Variants in FBXL7 observed in about 807,000 individuals in gnomAD.
The protein encoded by FBXL7 is F-box and leucine rich repeat protein 7, also known as F-box/LRR-repeat protein 7.
FBXL7 carries 12 observed loss-of-function variants against 38.3 expected under a neutral mutation model. That is an observed-to-expected ratio of 0.31 (90% CI 0.20 to 0.51). The LOEUF (loss-of-function observed/expected upper bound fraction) is 0.51. FBXL7 is among the 20% of genes least tolerant of loss of function. The pLI is 0.98. For missense variants in FBXL7, 567 were observed against 676.4 expected (o/e 0.84, Z 1.79); for synonymous variants, 297 against 300.9 (o/e 0.99, Z 0.13).
intron 2 of FBXL7, among the ~76,000 whole-genome samples, chr5:15,851,132 G>A (rs771394569): frequency 2.6e-5 from 4 of 152,108 alleles, no homozygotes; most frequent in African/African-American, 4.8e-5. Context: ...ACACACACCC[G>A]GCCATTTCCT....
At chr5:15,900,342 C>A (rs748544857) in intron 2 of FBXL7, among the ~76,000 whole-genome samples, 2 of 152,080 alleles carry the variant, frequency 1.3e-5, no homozygotes, top group Non-Finnish European at 2.9e-5. Flanking sequence ...CCTTCCACCA[C>A]CCTAGTAACA....
At chr5:15,550,414 T>C (rs528574251) in intron 1 of FBXL7, among the ~76,000 whole-genome samples, 50 of 152,238 alleles carry the variant, frequency 3.3e-4, no homozygotes, top group African/African-American at 1.1e-3. Context: ...GAGATTTTGA[T>C]TGTTGCCAAA....
chr5:15,932,696 A>G (rs1051988855), intron 3 of FBXL7, among the ~76,000 whole-genome samples: 1 of 152,074 alleles, frequency 6.6e-6, no homozygotes, highest in Non-Finnish European at 1.5e-5. Flanking sequence ...TGTGTCTATT[A>G]TCTTACTACC....
chr5:15,536,587 G>C (rs1006292761), intron 1 of FBXL7, among the ~76,000 whole-genome samples: 10 of 152,170 alleles, frequency 6.6e-5, no homozygotes, highest in Non-Finnish European at 1.3e-4. Context: ...TAGCCCCTTT[G>C]TTTTGCCCAG....
intron 1 of FBXL7, chr5:15,606,898 G>A (rs1001510407): frequency 1.3e-5 from 2 of 152,116 alleles, no homozygotes; most frequent in Non-Finnish European, 2.9e-5. Flanking sequence ...CCTTTGGCTT[G>A]AAAGAGCTAA....
At chr5:15,605,015 G>C (rs1739957723) in intron 1 of FBXL7, among the ~76,000 whole-genome samples, 1 of 152,154 alleles carries the variant, frequency 6.6e-6, no homozygotes, top group Non-Finnish European at 1.5e-5. Context: ...TGAATTCACT[G>C]TGGCCAGTAG....
chr5:15,744,903 C>G (rs1561109311), intron 2 of FBXL7, among the ~76,000 whole-genome samples: 1 of 152,066 alleles, frequency 6.6e-6, no homozygotes, highest in Non-Finnish European at 1.5e-5. Flanking sequence ...CCTTATAAAA[C>G]CATGAGGTCT....
intron 1 of FBXL7, among the ~76,000 whole-genome samples, chr5:15,522,362 T>C (rs1258099127): frequency 1.3e-5 from 2 of 152,206 alleles, no homozygotes; most frequent in African/African-American, 4.8e-5. Flanking sequence ...CAGTTTGGTT[T>C]ATTTGTTTCT....
rs931053618 is a variant in FBXL7, at chr5:15,603,783, G to A, written c.38-12200G>A. On this transcript the variant is annotated intron_variant, in intron 1 of 3. Transcript: ENST00000504595. Reference sequence around the variant, plus strand: ...AAAGTACCAGTTAGGACATTCAGTGGCTTGAAAGGAAGAAAGGAAAACATG... The same window carrying A: ...AAAGTACCAGTTAGGACATTCAGTGACTTGAAAGGAAGAAAGGAAAACATG... 1.6e-4 allele frequency among the ~76,000 whole-genome samples: 25 copies of A among 152,320 alleles called. 1 individual carries two copies. The South Asian group carries it at 3.7e-3, about 23-fold the overall frequency.
chr5:15,504,998 A>C (rs1736605001), intron 1 of FBXL7, among the ~76,000 whole-genome samples: 1 of 152,212 alleles, frequency 6.6e-6, no homozygotes. Flanking sequence ...CCATAGGGAA[A>C]GGGCGAGATC....
At chr5:15,519,063 G>A (rs1336209511) in intron 1 of FBXL7, among the ~76,000 whole-genome samples, 2 of 152,144 alleles carry the variant, frequency 1.3e-5, no homozygotes, top group Non-Finnish European at 2.9e-5. Context: ...GGGCCCTGCA[G>A]CAGGGCGCGG....
At chr5:15,530,261 C>A (rs188926570) in intron 1 of FBXL7, among the ~76,000 whole-genome samples, 1 of 152,216 alleles carries the variant, frequency 6.6e-6, no homozygotes, top group Non-Finnish European at 1.5e-5. Flanking sequence ...CTGACAGATG[C>A]AGGTGGTTTA....
intron 1 of FBXL7, among the ~76,000 whole-genome samples, chr5:15,603,229 C>T (rs1324251925): frequency 6.6e-6 from 1 of 152,092 alleles, no homozygotes; most frequent in Admixed American, 6.6e-5. Context: ...TTAGTGCTAA[C>T]CGTAATCCTT....
intron 2 of FBXL7, among the ~76,000 whole-genome samples, chr5:15,764,355 A>G (rs1266085561): frequency 6.6e-6 from 1 of 152,232 alleles, no homozygotes; most frequent in Non-Finnish European, 1.5e-5. Flanking sequence ...GCAAGTATAG[A>G]GAGATGTGTT....
At chr5:15,680,200 A>G (rs746187022) in intron 2 of FBXL7, among the ~76,000 whole-genome samples, 37 of 152,186 alleles carry the variant, frequency 2.4e-4, no homozygotes, top group Non-Finnish European at 4.4e-4. Flanking sequence ...GCTCTTCCCA[A>G]AGACATTTTA....
At chr5:15,750,159 T>C (rs180892489) in intron 2 of FBXL7, among the ~76,000 whole-genome samples, 43 of 152,346 alleles carry the variant, frequency 2.8e-4, no homozygotes, top group Admixed American at 2.4e-3. Flanking sequence ...TAAGTAAAGA[T>C]CCCTTCCCTC....
chr5:15,804,627 T>C (rs1464329877), intron 2 of FBXL7, among the ~76,000 whole-genome samples: 3 of 152,104 alleles, frequency 2.0e-5, no homozygotes, highest in Non-Finnish European at 4.4e-5. Flanking sequence ...CCATGACCTG[T>C]TAGGAACCAA....
chr5:15,718,032 T>A (rs1232167912), intron 2 of FBXL7, among the ~76,000 whole-genome samples: 1 of 152,212 alleles, frequency 6.6e-6, no homozygotes, highest in African/African-American at 2.4e-5. Flanking sequence ...GGATGTGGGA[T>A]AATATCCTTC....
At chr5:15,514,264 T>C (rs139125627) in intron 1 of FBXL7, among the ~76,000 whole-genome samples, 149 of 152,346 alleles carry the variant, frequency 9.8e-4, no homozygotes, top group African/African-American at 3.4e-3. Context: ...GCAAATTTAA[T>C]TTAATCTTGG....
Sources: gnomAD v4.1 joint callset for allele counts (sites outside exome capture counted in the v4.1 genomes callset) on GRCh38, gnomAD v4.1.1 for gene constraint, MANE v1.5 for transcripts, NCBI Gene and HGNC (gene_info 2026-07-23, HGNC 2026-07-21) for gene names.